The following NSMCE1 variants were observed in gnomAD, a reference collection of about 807,000 sequenced individuals.
NSMCE1 encodes the protein NSE1 component of SMC5/6 complex.
NSMCE1 carries 18 observed loss-of-function variants against 29.6 expected under a neutral mutation model. The observed-to-expected ratio is 0.61, with a 90% CI of 0.42 to 0.90. NSMCE1 has a LOEUF of 0.90. Ranked by LOEUF, NSMCE1 falls within the 40% of genes least tolerant of loss-of-function variation. The pLI, the probability that NSMCE1 is intolerant of heterozygous loss-of-function variation, is 0.00. For synonymous variants in NSMCE1, 124 were observed against 133.4 expected (o/e 0.93, Z 0.49); for missense variants, 314 against 343.6 (o/e 0.91, Z 0.68).
chr16:27,237,501 C>G (rs987621895), intron 2 of NSMCE1, among the ~76,000 whole-genome samples: 1 of 152,236 alleles, frequency 6.6e-6, no homozygotes, highest in Non-Finnish European at 1.5e-5. Flanking sequence ...GCCAGACACA[C>G]TTTTCCACCC....
intron 5 of NSMCE1, among the ~76,000 whole-genome samples, chr16:27,228,476 T>C (rs1291519838): frequency 3.5e-5 from 5 of 143,490 alleles, no homozygotes; most frequent in Middle Eastern, 3.8e-3. Flanking sequence ...CCCACCTCCC[T>C]GGCCACCGCC....
Position 27,257,575 on chromosome 16 carries a change from G to A in NSMCE1, c.-5C>T. Reference sequence around the variant, plus strand: ...TCTCCTTGTGCTGCCCTGCATGTGGGAACGAACTGAAAAGGAAGTAAATGA... The same window carrying A: ...TCTCCTTGTGCTGCCCTGCATGTGGAAACGAACTGAAAAGGAAGTAAATGA... On this transcript the variant is annotated 5_prime_UTR_variant, in exon 2 of 8. Transcript: ENST00000361439. 1.9e-6 allele frequency: 3 copies of A among 1,608,168 alleles called. No homozygotes were observed. The highest frequency in any genetic ancestry group is 1.7e-6 in the Non-Finnish European group (2 of 1,177,170).
chr16:27,251,163 T>TATATATATATATATATATATATATAA (rs2084024935), intron 2 of NSMCE1, among the ~76,000 whole-genome samples: 2 of 67,478 alleles, frequency 3.0e-5, no homozygotes, highest in South Asian at 1.1e-3. Flanking sequence ...ATTTAAAATA[T>TATATATATATATATATATATATATAA]ATATATATAT....
chr16:27,256,780 A>T (rs1216717172), intron 2 of NSMCE1, among the ~76,000 whole-genome samples: 1 of 152,206 alleles, frequency 6.6e-6, no homozygotes, highest in Non-Finnish European at 1.5e-5. Flanking sequence ...CCTTCAGCTG[A>T]CACAGGGCAG....
Position 27,235,257 on chromosome 16 carries a change from ATGT to A in NSMCE1, c.176_178del (p.Asn59del), listed in dbSNP as rs1486646847. 3.1e-6 allele frequency: 5 copies of A among 1,613,578 alleles called. No individual in the cohort carries two copies. The highest frequency in any genetic ancestry group is 4.2e-6 in the Non-Finnish European group (5 of 1,179,740). ...ATACAAGGACTCCAAGACACTGTTA[ATGT>A]TGTTGATGAAGTCCTCCAACTTATC... is the stretch of plus-strand genomic sequence containing the variant. On this transcript the variant is annotated inframe_deletion, in exon 3 of 8. Transcript: ENST00000361439.
At chr16:27,260,869 A>G in intron 1 of NSMCE1, among the ~76,000 whole-genome samples, 1 of 150,938 alleles carries the variant, frequency 6.6e-6, no homozygotes. Flanking sequence ...AAAAAAAAAA[A>G]AAAAAAGGTT....
At chr16:27,263,329 G>A (rs533398524) in intron 1 of NSMCE1, among the ~76,000 whole-genome samples, 4 of 152,320 alleles carry the variant, frequency 2.6e-5, no homozygotes, top group African/African-American at 9.6e-5. Context: ...TAAAGAAAAT[G>A]TGGTACCTAT....
intron 1 of NSMCE1, among the ~76,000 whole-genome samples, chr16:27,263,694 G>GT (rs1221548375): frequency 1.3e-5 from 2 of 152,118 alleles, no homozygotes; most frequent in East Asian, 1.9e-4. Context: ...CCAAACCTAA[G>GT]TTTTTTTAAA....
intron 1 of NSMCE1, 64 bp from the exon 2 acceptor site, chr16:27,257,645 G>C: frequency 7.6e-7 from 1 of 1,319,554 alleles, no homozygotes. Context: ...CCTGGGTCTT[G>C]TACTAATTTA....
intron 2 of NSMCE1, among the ~76,000 whole-genome samples, chr16:27,244,834 C>T (rs189960810): frequency 1.3e-5 from 2 of 152,374 alleles, no homozygotes; most frequent in East Asian, 3.9e-4. Flanking sequence ...ATCTGCTCAT[C>T]CTATTCACCA....
At chr16:27,265,554 A>G (rs965009921) in intron 1 of NSMCE1, among the ~76,000 whole-genome samples, 2 of 152,170 alleles carry the variant, frequency 1.3e-5, no homozygotes, top group Non-Finnish European at 2.9e-5. Flanking sequence ...TTAGGTATAT[A>G]CCTTACAGAA....
At chr16:27,240,599 C>T (rs1440198936) in intron 2 of NSMCE1, among the ~76,000 whole-genome samples, 1 of 152,176 alleles carries the variant, frequency 6.6e-6, no homozygotes, top group African/African-American at 2.4e-5. Flanking sequence ...CGAACAGAGC[C>T]ACTCTTCCTT....
chr16:27,264,576 T>A (rs765889279), intron 1 of NSMCE1, among the ~76,000 whole-genome samples: 1 of 152,172 alleles, frequency 6.6e-6, no homozygotes, highest in African/African-American at 2.4e-5. Context: ...TTGTTATCCA[T>A]ATGTAAAAAA....
chr16:27,234,419 G>A (rs1342624573), intron 3 of NSMCE1, among the ~76,000 whole-genome samples, 154 bp from the exon 4 acceptor site: 3 of 152,212 alleles, frequency 2.0e-5, no homozygotes, highest in East Asian at 3.8e-4. Context: ...CTGTAACCAG[G>A]CGTATATTAC....
Position 27,257,548 on chromosome 16 carries a change from A to G in NSMCE1, c.23T>C (p.Met8Thr). Residue 8 changes from methionine (M) to threonine (T), a missense_variant, in exon 2 of 8, where the codon ATG becomes ACG. Physicochemically the swap from Met to Thr is moderately conservative, Grantham distance 81. Transcript: ENST00000361439. Reference sequence around the variant, plus strand: ...CCGGTGGACATCAGTCATGACGCCCATTCTCCTTGTGCTGCCCTGCATGTG... The same window carrying G: ...CCGGTGGACATCAGTCATGACGCCCGTTCTCCTTGTGCTGCCCTGCATGTG... MQGSTRR[M>T]GVMTDVHRRF... 3 of 1,613,638 alleles carry G rather than the reference A, an allele frequency of 1.9e-6. No individual in the cohort carries two copies. Among genetic ancestry groups the G allele is most frequent in the Non-Finnish European group, 2.5e-6 (3 of 1,179,782 alleles).
chr16:27,247,934 AAAAAAC>A (rs1270122201), intron 2 of NSMCE1, among the ~76,000 whole-genome samples: 1 of 151,834 alleles, frequency 6.6e-6, no homozygotes, highest in African/African-American at 2.4e-5. Flanking sequence ...CTCAAAAAAA[AAAAAAC>A]AAAAAACAAA....
chr16:27,226,607 C>CGCCCAGTGCCTCCT, intron 6 of NSMCE1, 113 bp downstream of exon 6: 1 of 676,786 alleles, frequency 1.5e-6, no homozygotes, highest in Non-Finnish European at 2.6e-6. Context: ...TGGGAGGATG[C>CGCCCAGTGCCTCCT]GCCAGCAGTG....
At chr16:27,228,620 A>T (rs1159969311) in intron 5 of NSMCE1, among the ~76,000 whole-genome samples, 1 of 124,044 alleles carries the variant, frequency 8.1e-6, no homozygotes, top group Non-Finnish European at 1.7e-5. Flanking sequence ...TCCCCTCCAG[A>T]TCCATCATGG....
chr16:27,265,365 C>T (rs976619623), intron 1 of NSMCE1, among the ~76,000 whole-genome samples: 1 of 151,804 alleles, frequency 6.6e-6, no homozygotes, highest in Non-Finnish European at 1.5e-5. Context: ...GATGGGGTCT[C>T]ACCTGTTGCC....
Sources: gnomAD v4.1 joint callset for allele counts (sites outside exome capture counted in the v4.1 genomes callset) on GRCh38, gnomAD v4.1.1 for gene constraint, MANE v1.5 for transcripts, NCBI Gene and HGNC (gene_info 2026-07-23, HGNC 2026-07-21) for gene names.